The following PADI2 variants were observed in gnomAD, a reference collection of about 807,000 sequenced individuals.
PADI2 encodes protein-arginine deiminase type-2.
Under a neutral mutation model 81.1 loss-of-function variants are expected in PADI2, and 70 were observed. The observed-to-expected ratio is 0.86, with a 90% confidence interval of 0.71 to 1.05. The LOEUF is 1.05. PADI2 is among the 50% of genes least tolerant of loss of function. PADI2 has a pLI of 0.00. For missense variants in PADI2, 853 were observed against 889.9 expected (o/e 0.96, Z 0.53); for synonymous variants, 338 against 358.0 (o/e 0.94, Z 0.63).
chr1:17,072,761 T>C (rs742797), intron 13 of PADI2, among the ~76,000 whole-genome samples: 91,409 of 152,106 alleles, frequency 0.6, 27,862 homozygotes, highest in Middle Eastern at 0.7. Context: ...CTATTTTCTC[T>C]CTATCTCTCT....
At chr1:17,101,654 C>T (rs187915401) in intron 3 of PADI2, among the ~76,000 whole-genome samples, 1 of 152,240 alleles carries the variant, frequency 6.6e-6, no homozygotes, top group East Asian at 1.9e-4. Context: ...ATGAGAAGGG[C>T]CCTGCTGCTA....
intron 8 of PADI2, 86 bp from the exon 9 acceptor site, chr1:17,083,923 G>C: frequency 1.2e-6 from 1 of 830,262 alleles, no homozygotes. Flanking sequence ...ACAGCAGCTG[G>C]TATCTCTGGG....
chr1:17,082,635 G>C lies in PADI2; in HGVS notation c.1068C>G (p.Gly356=). 1 of 1,605,580 alleles carries C rather than the reference G, an allele frequency of 6.2e-7. No homozygotes were observed. The highest frequency in any genetic ancestry group is 1.1e-5 in the South Asian group (1 of 90,450). Residue 356 remains glycine (G), a synonymous_variant, in exon 10 of 16, where the codon GGC becomes GGG. Coordinates refer to ENST00000375486, the MANE Select transcript of PADI2 (RefSeq NM_007365.3). The part of the protein sequence containing the change: ...DRWIQDEIEF[G]YIEAPHKGFP... ...AGCCTTTATGGGGGGCCTCGATGTA[G>C]CCAAACTCAATTTCATCCTGCAGGG...
At chr1:17,086,389 G>A in intron 7 of PADI2, 132 bp downstream of exon 7, 1 of 676,306 alleles carries the variant, frequency 1.5e-6, no homozygotes, top group Non-Finnish European at 2.4e-6. Context: ...GGGGCATCGA[G>A]GTCTCCTAGC....
rs540689504 is a variant in PADI2, at chr1:17,084,846, A to G, written c.835-144T>C. ...CACCAAGCCTGTGCTAAGTACTTTC[A>G]CATGTGCCAATTCTTTTCTGCCTTC... On this transcript the variant is annotated intron_variant, in intron 7 of 15. Coordinates refer to ENST00000375486, the MANE Select transcript of PADI2 (RefSeq NM_007365.3). 5 of 583,056 alleles carry G rather than the reference A, an allele frequency of 8.6e-6. No homozygotes were observed. In the South Asian group the frequency reaches 1.0e-4, roughly 12 times the overall value. 36.1% of individuals were successfully genotyped at this position (583,056 alleles called of 1,614,324 possible).
intron 1 of PADI2, among the ~76,000 whole-genome samples, chr1:17,114,027 T>C (rs549556208): frequency 3.3e-5 from 5 of 152,234 alleles, no homozygotes; most frequent in Non-Finnish European, 7.3e-5. Flanking sequence ...ACCAGAGCCC[T>C]GGAGCAATTC....
chr1:17,094,523 C>A (rs1930836047), intron 4 of PADI2, among the ~76,000 whole-genome samples: 1 of 152,184 alleles, frequency 6.6e-6, no homozygotes, highest in Non-Finnish European at 1.5e-5. Flanking sequence ...CTGTACACAT[C>A]CTTTTTGGGA....
intron 1 of PADI2, among the ~76,000 whole-genome samples, chr1:17,108,656 C>T (rs1931468595): frequency 6.6e-6 from 1 of 152,066 alleles, no homozygotes; most frequent in African/African-American, 2.4e-5. Context: ...TGAGTACACA[C>T]CCTGGATGCT....
Position 17,083,483 on chromosome 1 carries a change from G to A in PADI2, c.1050+243C>T, listed in dbSNP as rs2078362025. The stretch of plus-strand genomic sequence containing the variant: ...TTTAGCGGTTGCACAGAACTTCCGG[G>A]AAGGCCGTTACTCAGTCCTCCACAG... On this transcript the variant is annotated intron_variant, in intron 9 of 15. Coordinates refer to ENST00000375486, the MANE Select transcript of PADI2 (RefSeq NM_007365.3). The A allele has an allele frequency of 2.7e-5, 13 of 474,686 alleles. No homozygotes were observed. In the South Asian group the frequency reaches 4.4e-4, roughly 16 times the overall value. The allele number at this position is 474,686 out of a possible 1,614,324, so 29.4% of individuals were successfully genotyped here. A position where few individuals can be genotyped will look rare whatever the true frequency, so the allele number is the denominator to read the frequency against.
intron 5 of PADI2, 22 bp from the exon 6 acceptor site, chr1:17,092,555 T>C (rs754391046): frequency 4.5e-6 from 7 of 1,562,544 alleles, no homozygotes; most frequent in Non-Finnish European, 5.2e-6. Flanking sequence ...AAGGTGAGAA[T>C]GAAGAGATCT....
At chr1:17,075,307 C>G (rs2078293900) in intron 12 of PADI2, 1 of 319,506 alleles carries the variant, frequency 3.1e-6, no homozygotes, top group Non-Finnish European at 5.8e-6. Flanking sequence ...CTATTTCTCT[C>G]TAGAGCATTA....
At chr1:17,098,858 G>A (rs1009843712) in intron 3 of PADI2, among the ~76,000 whole-genome samples, 2 of 152,232 alleles carry the variant, frequency 1.3e-5, no homozygotes, top group East Asian at 1.9e-4. Context: ...GGGATGCTGC[G>A]GGTAGGGGCA....
At chr1:17,114,538 C>T (rs896419799) in intron 1 of PADI2, among the ~76,000 whole-genome samples, 10 of 151,988 alleles carry the variant, frequency 6.6e-5, no homozygotes, top group African/African-American at 2.4e-4. Flanking sequence ...GGTTTAAATA[C>T]GTAAATTATT....
intron 10 of PADI2, among the ~76,000 whole-genome samples, chr1:17,080,981 G>A (rs1189525890): frequency 1.3e-5 from 2 of 152,230 alleles, no homozygotes; most frequent in African/African-American, 2.4e-5. Flanking sequence ...AGGCTGGGGT[G>A]CTGGGGCTCT....
At chr1:17,100,825 T>C (rs1429760880) in intron 3 of PADI2, among the ~76,000 whole-genome samples, 1 of 151,476 alleles carries the variant, frequency 6.6e-6, no homozygotes, top group East Asian at 2.0e-4. Flanking sequence ...CCACGCCCAG[T>C]TAATTTTTGT....
chr1:17,085,825 T>C (rs1930362350), intron 7 of PADI2, among the ~76,000 whole-genome samples: 1 of 152,172 alleles, frequency 6.6e-6, no homozygotes, highest in Non-Finnish European at 1.5e-5. Flanking sequence ...GGGGCTCTTG[T>C]GTTTGCGAGA....
rs1931726874 is a variant in PADI2 at position 17,115,560 on chromosome 1, T to A, written c.92+3720A>T. On this transcript the variant is annotated intron_variant, in intron 1 of 15. Coordinates refer to ENST00000375486, the MANE Select transcript of PADI2 (RefSeq NM_007365.3). This position sits in a 1 kb window ranked among gnomAD's most constrained non-coding sequence, Gnocchi z 4.1. ...CCTACTTTACTCCGAGGCTGCCCTG[T>A]CCCTAATAATCCTTCCAGACTCTGG... Among the ~76,000 whole-genome samples, 1 of 152,194 alleles carries A rather than the reference T, an allele frequency of 6.6e-6. No individual in the cohort carries two copies. Among genetic ancestry groups the A allele is most frequent in the Non-Finnish European group, 1.5e-5 (1 of 68,038 alleles).
rs941839314 is a variant in PADI2, at chr1:17,070,229, A to C, written c.1636-13T>G. ...AGTCTAGGCAGCGCTGGGTAGGAGAAAGGATGGAGGGCATGCAGGTGAGGG... is the reference window on the plus strand; with the variant it reads ...AGTCTAGGCAGCGCTGGGTAGGAGACAGGATGGAGGGCATGCAGGTGAGGG... On this transcript the variant is annotated splice_polypyrimidine_tract_variant and intron_variant, in intron 14 of 15. Transcript: ENST00000375486. The C allele has an allele frequency of 1.2e-6, 2 of 1,613,202 alleles. No individual in the cohort carries two copies. Among genetic ancestry groups the C allele is most frequent in the South Asian group, 1.1e-5 (1 of 91,046 alleles).
Position 17,113,228 on chromosome 1 carries a change from C to T in PADI2, c.92+6052G>A, listed in dbSNP as rs531534335. ...TTTCAAAATAAACTCAATACTAATACATAACAACTTACTGAGTATTTACTA... is the reference window on the plus strand; with the variant it reads ...TTTCAAAATAAACTCAATACTAATATATAACAACTTACTGAGTATTTACTA... On this transcript the variant is annotated intron_variant, in intron 1 of 15. Coordinates refer to ENST00000375486, the MANE Select transcript of PADI2 (RefSeq NM_007365.3). Among the ~76,000 whole-genome samples the T allele has an allele frequency of 9.2e-4, 138 of 150,798 alleles. 1 individual carries two copies. The highest frequency in any genetic ancestry group is 3.3e-3 in the African/African-American group (137 of 40,988).
Sources: gnomAD v4.1 joint callset for allele counts (sites outside exome capture counted in the v4.1 genomes callset) on GRCh38, gnomAD v4.1.1 for gene constraint, Gnocchi (gnomAD v3.1) non-coding constraint, MANE v1.5 for transcripts, NCBI Gene and HGNC (gene_info 2026-07-23, HGNC 2026-07-21) for gene names.